Variants in AFF2 observed in about 807,000 individuals in gnomAD.
AFF2 encodes the protein AF4/FMR2 family member 2.
AFF2 carries 14 observed loss-of-function variants against 76.9 expected under a neutral mutation model. The observed-to-expected ratio is 0.18, with a 90% CI of 0.12 to 0.28. AFF2 has a LOEUF of 0.28. AFF2 is among the 10% of genes least tolerant of loss of function. The pLI, the probability that AFF2 is intolerant of heterozygous loss-of-function variation, is 1.00. For synonymous variants in AFF2, 398 were observed against 366.7 expected (o/e 1.09, Z -0.98); for missense variants, 868 against 1,001.1 (o/e 0.87, Z 1.79).
chrX:148,848,011 A>G (rs1013021561), intron 7 of AFF2, among the ~76,000 whole-genome samples: 2 of 111,471 alleles, frequency 1.8e-5, no homozygotes, highest in Admixed American at 1.9e-4. Flanking sequence ...CTGAGTCATA[A>G]TGCTCCTCAG....
intron 9 of AFF2, among the ~76,000 whole-genome samples, chrX:148,924,010 C>A (rs1168603306): frequency 1.8e-5 from 2 of 111,800 alleles, no homozygotes; most frequent in African/African-American, 6.5e-5. Flanking sequence ...TAAACTCTGG[C>A]AGTTCCCAGC....
At chrX:148,516,951 C>G (rs782172435) in intron 1 of AFF2, among the ~76,000 whole-genome samples, 2 of 112,083 alleles carry the variant, frequency 1.8e-5, no homozygotes, top group East Asian at 5.6e-4. Flanking sequence ...GCTACATTCT[C>G]TTTGCAGTCT....
chrX:148,930,700 C>T lies in AFF2; in HGVS notation c.1398-22880C>T, dbSNP rs559228852. ...AAATAAAGCAAGGACTCTTTGAGGC[C>T]TCTGGCTACTCAACCTGGAAAGATG... On this transcript the variant is annotated intron_variant, in intron 9 of 20. Coordinates refer to ENST00000370460, the MANE Select transcript of AFF2 (RefSeq NM_002025.4). 1.5e-4 allele frequency among the ~76,000 whole-genome samples: 17 copies of T among 112,296 alleles called. 1 individual carries two copies. The East Asian group carries it at 4.8e-3, about 32-fold the overall frequency.
At chrX:148,562,221 G>A (rs1264974369) in intron 1 of AFF2, among the ~76,000 whole-genome samples, 1 of 112,397 alleles carries the variant, frequency 8.9e-6, no homozygotes, top group African/African-American at 3.2e-5. Context: ...TTAATCAATT[G>A]TCAAGTCGCT....
chrX:148,629,716 A>G (rs886769685), intron 1 of AFF2, among the ~76,000 whole-genome samples: 1 of 111,703 alleles, frequency 9.0e-6, no homozygotes, highest in East Asian at 2.8e-4. Context: ...TTCCTCGGTG[A>G]GTCTGAAAAT....
At chrX:148,730,001 A>T (rs1488468325) in intron 3 of AFF2, among the ~76,000 whole-genome samples, 2 of 111,873 alleles carry the variant, frequency 1.8e-5, no homozygotes, top group Non-Finnish European at 3.8e-5. Context: ...GAGTGGTAGC[A>T]TATCTGTGGC....
At chrX:148,619,331 A>G (rs782062571) in intron 1 of AFF2, among the ~76,000 whole-genome samples, 1 of 111,715 alleles carries the variant, frequency 9.0e-6, no homozygotes, top group Admixed American at 9.5e-5. Flanking sequence ...CAGTCTGACT[A>G]TTGAAACAGC....
At chrX:148,859,604 AAGTT>A (rs1461160197) in intron 7 of AFF2, among the ~76,000 whole-genome samples, 1 of 111,019 alleles carries the variant, frequency 9.0e-6, no homozygotes, top group Non-Finnish European at 1.9e-5. Flanking sequence ...AATGAAATGA[AAGTT>A]TGTATGAATA....
At chrX:148,609,141 G>A (rs1383710499) in intron 1 of AFF2, among the ~76,000 whole-genome samples, 1 of 111,075 alleles carries the variant, frequency 9.0e-6, no homozygotes, top group Admixed American at 9.6e-5. Context: ...AGGGCTTAGG[G>A]GGCTCGCATA....
At chrX:148,630,141 G>A (rs2053965785) in intron 1 of AFF2, among the ~76,000 whole-genome samples, 1 of 111,136 alleles carries the variant, frequency 9.0e-6, no homozygotes, top group African/African-American at 3.3e-5. Flanking sequence ...GAGCTTCTCT[G>A]GTCAGGGTTA....
chrX:148,524,895 T>A (rs1342307968), intron 1 of AFF2, among the ~76,000 whole-genome samples: 2 of 111,999 alleles, frequency 1.8e-5, no homozygotes, highest in African/African-American at 6.5e-5. Flanking sequence ...TGTTGACAAC[T>A]GTTGTGGGCA....
chrX:148,751,858 G>A (rs982363316), intron 3 of AFF2, among the ~76,000 whole-genome samples: 3 of 112,030 alleles, frequency 2.7e-5, no homozygotes, highest in South Asian at 3.7e-4. Flanking sequence ...ACAAAGTACC[G>A]TAAACTAGAA....
Position 148,841,008 on chromosome X carries a change from A to G in AFF2, c.1174-1958A>G, listed in dbSNP as rs781874372. ...AATATCAGTTACTCCAATTCAGTGA[A>G]TAACACAATCTTCCAGTTTGCTGTA... On this transcript the variant is annotated intron_variant, in intron 5 of 20. Coordinates refer to ENST00000370460, the MANE Select transcript of AFF2 (RefSeq NM_002025.4). 6.4e-4 allele frequency among the ~76,000 whole-genome samples: 72 copies of G among 112,769 alleles called. 1 individual carries two copies. The highest frequency in any genetic ancestry group is 1.5e-3 in the South Asian group (4 of 2,731).
rs2072285203 is a variant in AFF2, at chrX:148,973,530, T to C, written c.3327T>C (p.Cys1109=). Residue 1109 remains cysteine, a synonymous_variant, in exon 16 of 21, where the codon TGT becomes TGC. Transcript: ENST00000370460. ...ATGCCGCCCTCTCCTTCACTGAATG[T>C]GGCAATGCCATGGAACGCGACCCTC... ...YADAALSFTE[C]GNAMERDPLE... is the part of the protein sequence containing the mutation. The C allele has an allele frequency of 8.3e-7, 1 of 1,211,762 alleles. No homozygotes were observed. Among genetic ancestry groups the C allele is most frequent in the Non-Finnish European group, 1.1e-6 (1 of 895,282 alleles).
At chrX:148,564,826 A>C (rs782333605) in intron 1 of AFF2, among the ~76,000 whole-genome samples, 6 of 111,817 alleles carry the variant, frequency 5.4e-5, no homozygotes, top group African/African-American at 1.9e-4. Context: ...ACTACATTGT[A>C]TTTATCTTCC....
intron 3 of AFF2, among the ~76,000 whole-genome samples, chrX:148,664,364 T>C (rs920492989): frequency 3.6e-5 from 4 of 112,092 alleles, no homozygotes; most frequent in Admixed American, 2.8e-4. Context: ...TGTCATGTCA[T>C]GCTTTATCAC....
At chrX:148,934,399 T>C (rs6655002) in intron 9 of AFF2, among the ~76,000 whole-genome samples, 17,586 of 111,043 alleles carry the variant, frequency 0.16, 2,429 homozygotes, top group African/African-American at 0.45. Context: ...TAGTAAATCT[T>C]CAAGGTCTTC....
At chrX:148,848,875 T>C (rs924514390) in intron 7 of AFF2, among the ~76,000 whole-genome samples, 2 of 111,686 alleles carry the variant, frequency 1.8e-5, no homozygotes, top group Non-Finnish European at 3.8e-5. Flanking sequence ...CAAATTTTCC[T>C]AAGGACTTAA....
intron 3 of AFF2, among the ~76,000 whole-genome samples, chrX:148,711,181 A>T (rs1375335953): frequency 8.9e-6 from 1 of 111,748 alleles, no homozygotes; most frequent in Non-Finnish European, 1.9e-5. Flanking sequence ...TCATAGTTAA[A>T]AATTTTTCTA....
Sources: gnomAD v4.1 joint callset for allele counts (sites outside exome capture counted in the v4.1 genomes callset) on GRCh38, gnomAD v4.1.1 for gene constraint, MANE v1.5 for transcripts, NCBI Gene and HGNC (gene_info 2026-07-23, HGNC 2026-07-21) for gene names.